The following ST6GALNAC3 variants were observed in gnomAD, a reference collection of about 807,000 sequenced individuals.
ST6GALNAC3 encodes ST6 N-acetylgalactosaminide alpha-2,6-sialyltransferase 3, also known as alpha-N-acetylgalactosaminide alpha-2,6-sialyltransferase 3.
Under a neutral mutation model 32.7 loss-of-function variants are expected in ST6GALNAC3, and 25 were observed. The ratio of observed to expected loss-of-function variants is 0.76; its 90% CI spans 0.56 to 1.07. The LOEUF is 1.07. ST6GALNAC3 is among the 50% of genes least tolerant of loss of function. The pLI, the probability that ST6GALNAC3 is intolerant of heterozygous loss-of-function variation, is 0.00. For missense variants in ST6GALNAC3, 355 were observed against 382.4 expected, an observed-to-expected ratio of 0.93 and a Z score of 0.60; for synonymous variants, 129 against 133.1, an observed-to-expected ratio of 0.97 and a Z score of 0.21.
intron 1 of ST6GALNAC3, chr1:76,305,955 T>G (rs1170466754): frequency 3.9e-6 from 2 of 517,690 alleles, no homozygotes. Flanking sequence ...AGTTGTTAAT[T>G]GTTATTCATA....
intron 1 of ST6GALNAC3, among the ~76,000 whole-genome samples, chr1:76,189,618 C>T (rs1653779826): frequency 1.3e-5 from 2 of 152,108 alleles, no homozygotes; most frequent in Admixed American, 1.3e-4. Flanking sequence ...ATAACAACAA[C>T]AAGAATGTAG....
At chr1:76,160,574 C>A (rs1651742250) in intron 1 of ST6GALNAC3, among the ~76,000 whole-genome samples, 1 of 152,168 alleles carries the variant, frequency 6.6e-6, no homozygotes, top group South Asian at 2.1e-4. Context: ...ATAGGAGGCA[C>A]CCATCTTACT....
At chr1:76,146,336 T>A (rs1355129510) in intron 1 of ST6GALNAC3, among the ~76,000 whole-genome samples, 4 of 152,236 alleles carry the variant, frequency 2.6e-5, no homozygotes, top group African/African-American at 9.6e-5. Flanking sequence ...ATCCCTTTTT[T>A]AATTCCTTGT....
intron 3 of ST6GALNAC3, among the ~76,000 whole-genome samples, chr1:76,471,050 C>T (rs1162971346): frequency 6.6e-6 from 1 of 152,044 alleles, no homozygotes; most frequent in Non-Finnish European, 1.5e-5. Context: ...TAATATTGTC[C>T]TACCCTTCTT....
intron 3 of ST6GALNAC3, among the ~76,000 whole-genome samples, chr1:76,457,029 A>G (rs1213527357): frequency 6.6e-6 from 1 of 151,462 alleles, no homozygotes. Flanking sequence ...ATCAATGTAC[A>G]AAAATCACAA....
At chr1:76,415,679 T>C (rs942962446) in intron 3 of ST6GALNAC3, among the ~76,000 whole-genome samples, 3 of 152,058 alleles carry the variant, frequency 2.0e-5, no homozygotes, top group Non-Finnish European at 4.4e-5. Context: ...TGTTTCAGGC[T>C]TTTTTTGTAC....
rs562361731 is a variant in ST6GALNAC3, at chr1:76,577,105, G to A, written c.624-50347G>A. ...TGGTTACAGTTTTTAAAAAGGAAGGGAAATTGTGGTATGTGGTATGTAAAT... is the reference window on the plus strand; with the variant it reads ...TGGTTACAGTTTTTAAAAAGGAAGGAAAATTGTGGTATGTGGTATGTAAAT... On this transcript the variant is annotated intron_variant, in intron 3 of 4. Transcript: ENST00000328299. 4.6e-6 allele frequency: 5 copies of A among 1,088,920 alleles called. No homozygotes were observed. In the South Asian group the frequency reaches 1.3e-4, roughly 29 times the overall value. The allele number at this position is 1,088,920 out of a possible 1,614,324, so 67.5% of individuals were successfully genotyped here. A position where few individuals can be genotyped will look rare whatever the true frequency, so the allele number is the denominator to read the frequency against.
At chr1:76,162,335 A>G (rs776208602) in intron 1 of ST6GALNAC3, among the ~76,000 whole-genome samples, 7 of 152,226 alleles carry the variant, frequency 4.6e-5, no homozygotes, top group Admixed American at 3.3e-4. Context: ...TTGTAGCCAG[A>G]TAAGTCTCTC....
intron 3 of ST6GALNAC3, among the ~76,000 whole-genome samples, chr1:76,521,099 TG>T (rs1427906625): frequency 6.6e-6 from 1 of 152,124 alleles, no homozygotes. Flanking sequence ...GATAAAAATA[TG>T]TACCCATGTC....
intron 3 of ST6GALNAC3, among the ~76,000 whole-genome samples, chr1:76,579,082 G>A (rs1646854474): frequency 6.6e-6 from 1 of 151,972 alleles, no homozygotes; most frequent in Non-Finnish European, 1.5e-5. Flanking sequence ...TAACTTCACT[G>A]GAAAATCTGA....
chr1:76,580,129 G>A (rs961355022), intron 3 of ST6GALNAC3, among the ~76,000 whole-genome samples: 5 of 151,768 alleles, frequency 3.3e-5, no homozygotes, highest in African/African-American at 7.3e-5. Context: ...AGTATCCCTC[G>A]GTACTCAATA....
At chr1:76,365,140 G>A (rs1191920418) in intron 2 of ST6GALNAC3, among the ~76,000 whole-genome samples, 1 of 152,200 alleles carries the variant, frequency 6.6e-6, no homozygotes, top group Admixed American at 6.5e-5. Flanking sequence ...ATACTACGCA[G>A]CCATAGACAA....
chr1:76,105,871 C>CT (rs1557617578), intron 1 of ST6GALNAC3, among the ~76,000 whole-genome samples: 1 of 152,118 alleles, frequency 6.6e-6, no homozygotes, highest in Non-Finnish European at 1.5e-5. Flanking sequence ...TTTTCTTACT[C>CT]TTTTTTTTAA....
chr1:76,519,891 T>G (rs1662406236), intron 3 of ST6GALNAC3, among the ~76,000 whole-genome samples: 1 of 151,756 alleles, frequency 6.6e-6, no homozygotes, highest in Non-Finnish European at 1.5e-5. Context: ...TAAATATATA[T>G]AAATATATAC....
chr1:76,336,094 T>C (rs562647778), intron 2 of ST6GALNAC3, among the ~76,000 whole-genome samples: 38 of 152,292 alleles, frequency 2.5e-4, no homozygotes, highest in African/African-American at 8.9e-4. Context: ...AAGATTAAAA[T>C]GCACAGCAGG....
chr1:76,309,086 C>A (rs1004707824), intron 1 of ST6GALNAC3, among the ~76,000 whole-genome samples: 1 of 152,162 alleles, frequency 6.6e-6, no homozygotes, highest in Non-Finnish European at 1.5e-5. Context: ...AATATCACCA[C>A]CCCAGACAAA....
chr1:76,291,937 T>G (rs528650403), intron 1 of ST6GALNAC3, among the ~76,000 whole-genome samples: 2 of 152,376 alleles, frequency 1.3e-5, no homozygotes, highest in South Asian at 4.1e-4. Flanking sequence ...TTGTGTTCTT[T>G]CCTTGACTGG....
intron 1 of ST6GALNAC3, among the ~76,000 whole-genome samples, chr1:76,121,896 C>T (rs879474059): frequency 1.3e-5 from 2 of 152,212 alleles, no homozygotes; most frequent in African/African-American, 4.8e-5. Flanking sequence ...GCCTCACTCA[C>T]GCTGTTCCAG....
chr1:76,427,375 A>G (rs1655462968), intron 3 of ST6GALNAC3, among the ~76,000 whole-genome samples: 1 of 152,018 alleles, frequency 6.6e-6, no homozygotes, highest in East Asian at 1.9e-4. Context: ...TGCTAGAAAC[A>G]TAGCCTCTCA....
Sources: gnomAD v4.1 joint callset for allele counts (sites outside exome capture counted in the v4.1 genomes callset) on GRCh38, gnomAD v4.1.1 for gene constraint, MANE v1.5 for transcripts, NCBI Gene and HGNC (gene_info 2026-07-23, HGNC 2026-07-21) for gene names.